The following EYS variants were observed in gnomAD, a reference collection of about 807,000 sequenced individuals.
The protein encoded by EYS is protein eyes shut homolog.
EYS carries 250 observed loss-of-function variants against 282.1 expected under a neutral mutation model. The ratio of observed to expected loss-of-function variants is 0.89; its 90% CI spans 0.80 to 0.98. The LOEUF is 0.98. Ranked by LOEUF, EYS falls within the 50% of genes least tolerant of loss-of-function variation. The probability of loss-of-function intolerance (pLI) is 0.00; values close to 1 mark genes in which losing one functional copy is unlikely to be tolerated. For synonymous variants in EYS, 1,355 were observed against 1,282.9 expected, an observed-to-expected ratio of 1.06 and a Z score of -1.20; for missense variants, 4,016 against 3,709.0, an observed-to-expected ratio of 1.08 and a Z score of -2.15.
chr6:65,190,575 T>A (rs978777295), intron 12 of EYS, among the ~76,000 whole-genome samples: 3 of 151,626 alleles, frequency 2.0e-5, no homozygotes, highest in African/African-American at 7.3e-5. Context: ...GTCCCCAATT[T>A]TATATTTGTG....
At chr6:65,081,017 C>A (rs867796953) in intron 12 of EYS, among the ~76,000 whole-genome samples, 1 of 151,972 alleles carries the variant, frequency 6.6e-6, no homozygotes, top group African/African-American at 2.4e-5. Context: ...TTACTCAAAC[C>A]ACAGACATTT....
intron 22 of EYS, among the ~76,000 whole-genome samples, chr6:64,706,107 T>C (rs1351950690): frequency 6.7e-6 from 1 of 150,334 alleles, no homozygotes. Context: ...GGCATGATAC[T>C]GGCACAAAAA....
intron 2 of EYS, among the ~76,000 whole-genome samples, chr6:65,585,310 A>G (rs1765007241): frequency 1.3e-5 from 2 of 151,950 alleles, no homozygotes; most frequent in South Asian, 4.1e-4. Flanking sequence ...TCTCTGACAA[A>G]GCACAATTAT....
intron 34 of EYS, among the ~76,000 whole-genome samples, chr6:63,994,436 T>C (rs1767742300): frequency 6.6e-6 from 1 of 151,900 alleles, no homozygotes; most frequent in Non-Finnish European, 1.5e-5. Context: ...ACAAGTCAAT[T>C]CTCTTCCACT....
intron 5 of EYS, among the ~76,000 whole-genome samples, chr6:65,445,685 A>G (rs1301951310): frequency 6.6e-6 from 1 of 151,824 alleles, no homozygotes; most frequent in Non-Finnish European, 1.5e-5. Flanking sequence ...AAATAAACCA[A>G]AAAGGTATTC....
intron 12 of EYS, among the ~76,000 whole-genome samples, chr6:65,275,446 G>A (rs1479129580): frequency 6.6e-6 from 1 of 152,156 alleles, no homozygotes; most frequent in Non-Finnish European, 1.5e-5. Context: ...AGAAGGCCCT[G>A]AAGGCACAAG....
At chr6:64,022,659 G>A (rs988818799) in intron 33 of EYS, among the ~76,000 whole-genome samples, 8 of 152,150 alleles carry the variant, frequency 5.3e-5, no homozygotes, top group East Asian at 1.9e-4. Context: ...CTCTGCAAGC[G>A]TGGCTGCTGA....
intron 36 of EYS, among the ~76,000 whole-genome samples, chr6:63,816,920 C>G (rs1422207743): frequency 6.6e-6 from 1 of 152,048 alleles, no homozygotes; most frequent in Admixed American, 6.5e-5. Context: ...CACATATAAT[C>G]AAAAAAAGTG....
At chr6:64,979,769 G>A (rs1770589864) in intron 14 of EYS, among the ~76,000 whole-genome samples, 1 of 151,562 alleles carries the variant, frequency 6.6e-6, no homozygotes, top group African/African-American at 2.4e-5. Flanking sequence ...TGCAAGAGAA[G>A]TGTTTAAGCA....
At chr6:64,519,413 A>G (rs566914151) in intron 26 of EYS, among the ~76,000 whole-genome samples, 1 of 151,866 alleles carries the variant, frequency 6.6e-6, no homozygotes, top group African/African-American at 2.4e-5. Flanking sequence ...TACACAAAAC[A>G]CGCAGAAGCA....
chr6:64,090,520 T>C (rs967137601), intron 31 of EYS, among the ~76,000 whole-genome samples: 1 of 152,160 alleles, frequency 6.6e-6, no homozygotes, highest in African/African-American at 2.4e-5. Context: ...TTCAACTGCA[T>C]AGTCCATTTT....
chr6:65,598,887 G>A (rs1765511008), intron 2 of EYS, among the ~76,000 whole-genome samples: 1 of 152,100 alleles, frequency 6.6e-6, no homozygotes, highest in African/African-American at 2.4e-5. Flanking sequence ...AAAGGGAGTA[G>A]TAATAGTATG....
intron 32 of EYS, among the ~76,000 whole-genome samples, chr6:64,068,003 A>G (rs1165815806): frequency 6.6e-6 from 1 of 152,152 alleles, no homozygotes; most frequent in African/African-American, 2.4e-5. Context: ...TCTGTTGTAT[A>G]TATATCTAGG....
chr6:63,871,449 T>TCTC (rs1772802052), intron 35 of EYS, among the ~76,000 whole-genome samples: 1 of 151,982 alleles, frequency 6.6e-6, no homozygotes, highest in East Asian at 1.9e-4. Flanking sequence ...TCACTTGAGG[T>TCTC]CAGGAGTTCA....
intron 10 of EYS, among the ~76,000 whole-genome samples, chr6:65,340,440 A>G (rs1193372931): frequency 6.6e-6 from 1 of 151,210 alleles, no homozygotes; most frequent in Non-Finnish European, 1.5e-5. Context: ...ATTTCCCATC[A>G]TAAGTTTCAA....
rs150040693 is a variant in EYS, at chr6:63,815,049, T to A, written c.7229-8677A>T. On this transcript the variant is annotated intron_variant, in intron 36 of 42. Coordinates refer to ENST00000503581, the MANE Select transcript of EYS (RefSeq NM_001142800.2). ...TATTTAGTTCAGAAATTAAGAAACA[T>A]TGAGGTTGGAGTGGGTTATCGCTCA... is the stretch of plus-strand genomic sequence containing the variant. 5.1e-4 allele frequency among the ~76,000 whole-genome samples: 78 copies of A among 152,314 alleles called. 1 individual carries two copies. The East Asian group carries it at 6.9e-3, about 14-fold the overall frequency.
intron 35 of EYS, among the ~76,000 whole-genome samples, chr6:63,908,022 A>ACAAACG (rs1773822257): frequency 9.6e-6 from 1 of 104,474 alleles, no homozygotes; most frequent in African/African-American, 4.9e-5. Flanking sequence ...GTATATATAT[A>ACAAACG]TATATATATA....
chr6:64,974,933 G>A (rs1770425296), intron 14 of EYS, among the ~76,000 whole-genome samples: 1 of 151,742 alleles, frequency 6.6e-6, no homozygotes. Flanking sequence ...CTTATTCTGA[G>A]TCTTATTAGT....
chr6:64,253,904 T>C (rs1384906548), intron 30 of EYS, among the ~76,000 whole-genome samples: 3 of 152,182 alleles, frequency 2.0e-5, no homozygotes, highest in Non-Finnish European at 2.9e-5. Context: ...AGCCATCAGT[T>C]GTGACTGTTA....
Sources: allele counts gnomAD v4.1 joint callset (sites outside exome capture counted in the v4.1 genomes callset), GRCh38; gene constraint gnomAD v4.1.1; transcripts MANE v1.5; gene names NCBI Gene and HGNC (gene_info 2026-07-23, HGNC 2026-07-21).